ENOX2: variants seen among roughly 807,000 people sequenced by gnomAD.
The protein encoded by ENOX2 is APK1 antigen.
A neutral mutation model predicts 45.0 loss-of-function variants in ENOX2; 36 were observed. The observed-to-expected ratio is 0.80, with a 90% CI of 0.61 to 1.06. The LOEUF (loss-of-function observed/expected upper bound fraction) is 1.06, where lower values mean the gene tolerates loss of function less well. Ranked by LOEUF, ENOX2 falls within the 50% of genes least tolerant of loss-of-function variation. The pLI is 0.00. For missense variants in ENOX2, 423 were observed against 462.5 expected (o/e 0.91, Z 0.78); for synonymous variants, 174 against 152.3 (o/e 1.14, Z -1.05).
chrX:130,834,140 G>A (rs1045084052), intron 2 of ENOX2, among the ~76,000 whole-genome samples: 4 of 111,174 alleles, frequency 3.6e-5, no homozygotes, highest in Non-Finnish European at 7.5e-5. Flanking sequence ...TTCCACTATA[G>A]AGCCCAACCT....
At chrX:130,719,150 C>T (rs754881085) in intron 3 of ENOX2, among the ~76,000 whole-genome samples, 48 of 111,338 alleles carry the variant, frequency 4.3e-4, no homozygotes, top group Non-Finnish European at 7.2e-4. Context: ...TGGACAGCCA[C>T]GTTTCCATTC....
At chrX:130,659,834 G>A (rs187795214) in intron 9 of ENOX2, among the ~76,000 whole-genome samples, 1 of 112,062 alleles carries the variant, frequency 8.9e-6, no homozygotes, top group African/African-American at 3.2e-5. Flanking sequence ...GAATATCTGA[G>A]AGCTAAGACA....
intron 3 of ENOX2, among the ~76,000 whole-genome samples, chrX:130,782,651 A>G (rs374417253): frequency 1.2e-4 from 14 of 112,341 alleles, no homozygotes; most frequent in African/African-American, 4.2e-4. Flanking sequence ...AGTAAAAAGT[A>G]ATAATAAAAA....
intron 11 of ENOX2, 62 bp downstream of exon 11, chrX:130,637,167 T>C: frequency 1.0e-6 from 1 of 972,839 alleles, no homozygotes; most frequent in Non-Finnish European, 1.5e-6. Flanking sequence ...CAGGGGACCC[T>C]TTTATAGGTG....
intron 2 of ENOX2, among the ~76,000 whole-genome samples, chrX:130,821,235 T>C (rs1239032298): frequency 3.7e-5 from 4 of 107,985 alleles, no homozygotes; most frequent in Non-Finnish European, 5.8e-5. Context: ...TAAAGACACA[T>C]GCACACGTAT....
At chrX:130,678,334 T>G (rs895588829) in intron 6 of ENOX2, among the ~76,000 whole-genome samples, 5 of 111,474 alleles carry the variant, frequency 4.5e-5, no homozygotes, top group African/African-American at 1.6e-4. Flanking sequence ...CATCTTCTGC[T>G]CAGAAGTAAC....
intron 2 of ENOX2, among the ~76,000 whole-genome samples, chrX:130,818,251 G>T (rs2077524316): frequency 9.0e-6 from 1 of 111,470 alleles, no homozygotes; most frequent in East Asian, 2.8e-4. Context: ...AATAAGAGAG[G>T]ACATAAAGAA....
chrX:130,656,653 G>A lies in ENOX2; in HGVS notation c.1057C>T (p.Arg353Ter), dbSNP rs959763813. 1 of 1,175,489 alleles carries A rather than the reference G, an allele frequency of 8.5e-7. No individual in the cohort carries two copies. The highest frequency in any genetic ancestry group is 1.2e-6 in the Non-Finnish European group (1 of 868,374). Residue 353 changes from arginine to a stop codon, truncating the protein, a stop_gained, in exon 10 of 15, where the codon CGA becomes TGA. Transcript: ENST00000394363. LOFTEE classifies it high-confidence loss of function. ...TCAGACATTTCCATTTCTTCTTCTCGCCTGATTCCCATTAATTCATCATTA... is the reference window on the plus strand; with the variant it reads ...TCAGACATTTCCATTTCTTCTTCTCACCTGATTCCCATTAATTCATCATTA... ...IHNDELMGIR[R>*]EEEMEMSDDE...
chrX:130,705,975 G>A (rs755861475), intron 3 of ENOX2, among the ~76,000 whole-genome samples: 3 of 111,654 alleles, frequency 2.7e-5, no homozygotes, highest in African/African-American at 6.5e-5. Context: ...TCTCATGGCC[G>A]TGTGACAAGA....
chrX:130,793,942 C>T (rs1016365623), intron 2 of ENOX2, among the ~76,000 whole-genome samples: 1 of 112,003 alleles, frequency 8.9e-6, no homozygotes, highest in Non-Finnish European at 1.9e-5. Flanking sequence ...CTATCATTTT[C>T]CTTAGAATAA....
chrX:130,776,317 T>C (rs894790128), intron 3 of ENOX2, among the ~76,000 whole-genome samples: 12 of 111,715 alleles, frequency 1.1e-4, no homozygotes, highest in African/African-American at 3.9e-4. Context: ...AGTTTAGGTA[T>C]TTGTTCCTGC....
intron 11 of ENOX2, 143 bp from the exon 12 acceptor site, chrX:130,635,234 C>T (rs1569477752): frequency 2.6e-6 from 1 of 385,692 alleles, no homozygotes; most frequent in Non-Finnish European, 4.4e-6. Context: ...AGAGATTGGG[C>T]AAATCAAGAT....
intron 2 of ENOX2, among the ~76,000 whole-genome samples, chrX:130,842,648 T>C (rs933693986): frequency 8.9e-6 from 1 of 111,999 alleles, no homozygotes; most frequent in African/African-American, 3.2e-5. Flanking sequence ...ATCTTATTCG[T>C]TCTCTCTGCA....
At chrX:130,896,981 C>T (rs193058930) in intron 2 of ENOX2, among the ~76,000 whole-genome samples, 2 of 112,187 alleles carry the variant, frequency 1.8e-5, no homozygotes, top group East Asian at 5.6e-4. Flanking sequence ...ACATGGGCTG[C>T]GTTCTGTAAG....
intron 9 of ENOX2, among the ~76,000 whole-genome samples, 192 bp from the exon 10 acceptor site, chrX:130,656,887 T>C (rs2036562058): frequency 8.9e-6 from 1 of 111,926 alleles, no homozygotes. Context: ...TTATACTCTG[T>C]CTTGCATTAG....
At chrX:130,671,771 C>T (rs2036997233) in intron 6 of ENOX2, among the ~76,000 whole-genome samples, 2 of 111,388 alleles carry the variant, frequency 1.8e-5, no homozygotes, top group Admixed American at 9.6e-5. Context: ...AAAATTAGCC[C>T]TAAACTCCTC....
intron 3 of ENOX2, among the ~76,000 whole-genome samples, chrX:130,767,166 T>C (rs2039636930): frequency 8.9e-6 from 1 of 111,891 alleles, no homozygotes; most frequent in Non-Finnish European, 1.9e-5. Context: ...TTTGTTCATT[T>C]TGTGTACCCT....
At chrX:130,705,774 G>A (rs1170979471) in intron 3 of ENOX2, among the ~76,000 whole-genome samples, 1 of 111,751 alleles carries the variant, frequency 8.9e-6, no homozygotes, top group Non-Finnish European at 1.9e-5. Flanking sequence ...AGCCTTGGAA[G>A]TTCATGTGTT....
intron 10 of ENOX2, among the ~76,000 whole-genome samples, chrX:130,649,660 A>G (rs2036348732): frequency 8.9e-6 from 1 of 112,162 alleles, no homozygotes; most frequent in Non-Finnish European, 1.9e-5. Context: ...TTGGCATGAC[A>G]TATTCATTTT....
Sources: allele counts gnomAD v4.1 joint callset (sites outside exome capture counted in the v4.1 genomes callset), GRCh38; gene constraint gnomAD v4.1.1; transcripts MANE v1.5; gene names NCBI Gene and HGNC (gene_info 2026-07-23, HGNC 2026-07-21).